Variants in SLC44A5 observed in about 807,000 individuals in gnomAD.
SLC44A5 encodes solute carrier family 44 member 5, also known as choline transporter-like protein 5.
In SLC44A5, 57 loss-of-function variants were observed where a neutral mutation model predicts 101.8. That is an observed-to-expected ratio of 0.56 (90% CI 0.45 to 0.70). SLC44A5 has a LOEUF of 0.70. Ranked by LOEUF, SLC44A5 falls within the 30% of genes least tolerant of loss-of-function variation. The pLI is 0.00. For missense variants in SLC44A5, 737 were observed against 853.1 expected (o/e 0.86, Z 1.70); for synonymous variants, 281 against 290.9 (o/e 0.97, Z 0.35).
At chr1:75,497,416 T>C (rs1156397247) in intron 2 of SLC44A5, among the ~76,000 whole-genome samples, 1 of 152,084 alleles carries the variant, frequency 6.6e-6, no homozygotes, top group Non-Finnish European at 1.5e-5. Context: ...TCTCACTTAT[T>C]TGTGGAATCT....
intron 1 of SLC44A5, among the ~76,000 whole-genome samples, chr1:75,572,747 G>A (rs769486727): frequency 2.0e-5 from 3 of 152,038 alleles, no homozygotes; most frequent in Non-Finnish European, 4.4e-5. Context: ...TAGGAAAACA[G>A]ACTATTGATA....
chr1:75,675,827 G>C, the SLC44A5 span, among the ~76,000 whole-genome samples: 1 of 152,056 alleles, frequency 6.6e-6, no homozygotes, highest in African/African-American at 2.4e-5. Context: ...CTAATATCCA[G>C]AATCTACAAG....
At chr1:75,573,986 A>G (rs1371735816) in intron 1 of SLC44A5, among the ~76,000 whole-genome samples, 1 of 152,176 alleles carries the variant, frequency 6.6e-6, no homozygotes, top group Non-Finnish European at 1.5e-5. Flanking sequence ...AAATATGGCA[A>G]ATCTGAAGAC....
At chr1:75,248,294 G>T (rs1376726120) in intron 7 of SLC44A5, among the ~76,000 whole-genome samples, 2 of 152,086 alleles carry the variant, frequency 1.3e-5, no homozygotes, top group Non-Finnish European at 1.5e-5. Flanking sequence ...TCAAGCCATA[G>T]CTTTGTATAT....
chr1:75,259,230 C>T (rs1211830336), intron 6 of SLC44A5, among the ~76,000 whole-genome samples: 2 of 152,146 alleles, frequency 1.3e-5, no homozygotes, highest in African/African-American at 4.8e-5. Context: ...ACAAACTCCT[C>T]TGAGCTAAAG....
intron 1 of SLC44A5, among the ~76,000 whole-genome samples, chr1:75,601,720 C>A (rs548232029): frequency 1.3e-5 from 2 of 152,186 alleles, no homozygotes; most frequent in South Asian, 4.1e-4. Flanking sequence ...ATATCTAAAG[C>A]AATGAAAATC....
chr1:75,226,276 G>A (rs757142519), intron 13 of SLC44A5, among the ~76,000 whole-genome samples: 1 of 151,870 alleles, frequency 6.6e-6, no homozygotes, highest in Non-Finnish European at 1.5e-5. Flanking sequence ...AACTAAATGC[G>A]GTGGAGAAGG....
chr1:75,388,902 C>G (rs1301790698), intron 3 of SLC44A5, among the ~76,000 whole-genome samples: 27 of 151,934 alleles, frequency 1.8e-4, no homozygotes, highest in Admixed American at 1.8e-3. Flanking sequence ...AAGACCCAAC[C>G]TTTCTCTGTC....
intron 4 of SLC44A5, among the ~76,000 whole-genome samples, chr1:75,308,663 T>G (rs1006446674): frequency 2.0e-5 from 3 of 152,212 alleles, no homozygotes; most frequent in Admixed American, 6.5e-5. Context: ...TAGCTCTAGA[T>G]AGCTTTGGGA....
At chr1:75,632,637 G>C in the SLC44A5 span, among the ~76,000 whole-genome samples, 1 of 152,074 alleles carries the variant, frequency 6.6e-6, no homozygotes, top group East Asian at 1.9e-4. Flanking sequence ...TGTTTTTCAA[G>C]AGTCAGGTTT....
At chr1:75,245,765 C>T (rs1570458513) in intron 7 of SLC44A5, among the ~76,000 whole-genome samples, 1 of 152,108 alleles carries the variant, frequency 6.6e-6, no homozygotes, top group Admixed American at 6.6e-5. Context: ...ATTCTAGACA[C>T]AAATGAGCTG....
chr1:75,449,114 G>A (rs975485075), intron 2 of SLC44A5, among the ~76,000 whole-genome samples: 10 of 152,168 alleles, frequency 6.6e-5, no homozygotes, highest in African/African-American at 2.4e-4. Flanking sequence ...GCATCCCTGA[G>A]CCAGACATTG....
chr1:75,605,450 T>C (rs1377366533), intron 1 of SLC44A5, among the ~76,000 whole-genome samples: 3 of 152,022 alleles, frequency 2.0e-5, no homozygotes, highest in African/African-American at 7.2e-5. Context: ...AAAAGATGCC[T>C]GAGAGGCCAC....
chr1:75,286,603 G>T (rs768950714), intron 5 of SLC44A5, among the ~76,000 whole-genome samples: 1 of 152,084 alleles, frequency 6.6e-6, no homozygotes, highest in Non-Finnish European at 1.5e-5. Context: ...TGCTATTTTG[G>T]TGTATTTTGA....
At chr1:75,460,246 T>A (rs1293367513) in intron 2 of SLC44A5, among the ~76,000 whole-genome samples, 1 of 152,204 alleles carries the variant, frequency 6.6e-6, no homozygotes, top group African/African-American at 2.4e-5. Flanking sequence ...TTAAAAGGAA[T>A]CATTATTAAA....
chr1:75,430,622 T>C (rs925457822), intron 2 of SLC44A5, among the ~76,000 whole-genome samples: 4 of 152,204 alleles, frequency 2.6e-5, no homozygotes, highest in Admixed American at 1.3e-4. Flanking sequence ...ATAGGTCAGG[T>C]CCTCAGACTT....
At chr1:75,647,798 C>G in the SLC44A5 span, among the ~76,000 whole-genome samples, 7 of 152,132 alleles carry the variant, frequency 4.6e-5, no homozygotes, top group Non-Finnish European at 8.8e-5. Context: ...GAGCATTTAC[C>G]CAATGCCCAT....
At chr1:75,397,317 AC>A (rs2101405841) in intron 2 of SLC44A5, among the ~76,000 whole-genome samples, 2 of 152,218 alleles carry the variant, frequency 1.3e-5, no homozygotes, top group African/African-American at 4.8e-5. Flanking sequence ...TTCTATGAAC[AC>A]CCCATTCTCT....
At chr1:75,412,313 A>T (rs1425104985) in intron 2 of SLC44A5, among the ~76,000 whole-genome samples, 1 of 152,124 alleles carries the variant, frequency 6.6e-6, no homozygotes, top group Non-Finnish European at 1.5e-5. Context: ...GTGGCGGGAG[A>T]TAAGTTCCAT....
Sources: allele counts gnomAD v4.1 joint callset (sites outside exome capture counted in the v4.1 genomes callset), GRCh38; gene constraint gnomAD v4.1.1; transcripts MANE v1.5; gene names NCBI Gene and HGNC (gene_info 2026-07-23, HGNC 2026-07-21).